DNAJC13: variants seen among roughly 807,000 people sequenced by gnomAD.
DNAJC13 encodes the protein DnaJ heat shock protein family (Hsp40) member C13.
A neutral mutation model predicts 290.5 loss-of-function variants in DNAJC13; 75 were observed. That is an observed-to-expected ratio of 0.26 (90% CI 0.21 to 0.31). The LOEUF is 0.31. DNAJC13 is among the 10% of genes least tolerant of loss of function. DNAJC13 has a pLI of 1.00. For synonymous variants in DNAJC13, 862 were observed against 892.0 expected, an observed-to-expected ratio of 0.97 and a Z score of 0.60; for missense variants, 2,260 against 2,674.5, an observed-to-expected ratio of 0.85 and a Z score of 3.42.
At chr3:132,454,256 T>A in intron 9 of DNAJC13, 99 bp downstream of exon 9, 1 of 811,846 alleles carries the variant, frequency 1.2e-6, no homozygotes, top group East Asian at 2.9e-5. Flanking sequence ...AAATTTAAAA[T>A]CATTTAATTT....
intron 45 of DNAJC13, 67 bp downstream of exon 45, chr3:132,513,166 A>G (rs1387420618): frequency 4.2e-5 from 55 of 1,316,306 alleles, no homozygotes; most frequent in Non-Finnish European, 3.3e-6. Flanking sequence ...TTGAGTCTCT[A>G]TCAGTCATTG....
chr3:132,502,983 A>T (rs538701577), intron 40 of DNAJC13, among the ~76,000 whole-genome samples: 1 of 152,198 alleles, frequency 6.6e-6, no homozygotes. Context: ...GATATACTGC[A>T]TTGGGTATAA....
Position 132,492,485 on chromosome 3 carries a change from C to G in DNAJC13, c.3695C>G (p.Ala1232Gly). 6.2e-7 allele frequency: 1 copy of G among 1,613,852 alleles called. No homozygotes were observed. Among genetic ancestry groups the G allele is most frequent in the Non-Finnish European group, 8.5e-7 (1 of 1,179,834 alleles). The stretch of plus-strand genomic sequence containing the variant: ...CCTCGTCTTCAGAGTAACACAAGAG[C>G]ACTTTATCAGTATTGCCCCATTCCT... ...FTPRLQSNTR[A>G]LYQYCPIPII... The change falls in exon 33 of 56, where the codon GCA becomes GGA. Residue 1232 changes from alanine (A) to glycine (G), a missense_variant. By Grantham distance (60) the Ala-to-Gly change is moderately conservative. This residue lies in a region of DNAJC13 where 1,494 missense variants were observed against 1,693.7 expected (regional missense o/e 0.88). Coordinates refer to ENST00000260818, the MANE Select transcript of DNAJC13 (RefSeq NM_015268.4).
chr3:132,522,658 G>A (rs771250604), intron 48 of DNAJC13, among the ~76,000 whole-genome samples, 170 bp from the exon 49 acceptor site: 41 of 152,128 alleles, frequency 2.7e-4, no homozygotes, highest in Admixed American at 8.5e-4. Context: ...AGGTACCTTT[G>A]CATAAACCGA....
chr3:132,469,796 C>T (rs1039990501), intron 20 of DNAJC13, among the ~76,000 whole-genome samples: 1 of 150,546 alleles, frequency 6.6e-6, no homozygotes, highest in African/African-American at 2.4e-5. Flanking sequence ...TTTATTTTAC[C>T]TTTTTTCTTT....
rs146630451 is a variant in DNAJC13, at chr3:132,443,691, C to T, written c.69-2784C>T. On this transcript the variant is annotated intron_variant, in intron 2 of 55. Coordinates refer to ENST00000260818, the MANE Select transcript of DNAJC13 (RefSeq NM_015268.4). ...TCCTTAAGCGGAAGTTCAACAGCCA[C>T]TCTAAAAAGAGGAGCGGCATGGGGA... Among the ~76,000 whole-genome samples the T allele has an allele frequency of 8.5e-5, 13 of 152,228 alleles. No homozygotes were observed. The East Asian group carries it at 2.5e-3, about 29-fold the overall frequency.
chr3:132,491,053 T>C lies in DNAJC13; in HGVS notation c.3623+2T>C, dbSNP rs747249898. ...AGCAATCTGGAGCAGTGAAATGAGG[T>C]AAATAACCAGTTGACTGATTGATTT... is the stretch of plus-strand genomic sequence containing the variant. On this transcript the variant is annotated splice_donor_variant, in intron 32 of 55. Coordinates refer to ENST00000260818, the MANE Select transcript of DNAJC13 (RefSeq NM_015268.4). LOFTEE classifies it high-confidence loss of function. The C allele has an allele frequency of 6.3e-7, 1 of 1,594,802 alleles. No individual in the cohort carries two copies. The highest frequency in any genetic ancestry group is 8.5e-7 in the Non-Finnish European group (1 of 1,173,488).
chr3:132,475,061 C>A lies in DNAJC13; in HGVS notation c.2421C>A (p.Ile807=). Residue 807 remains isoleucine, a synonymous_variant, in exon 22 of 56, where the codon ATC becomes ATA. Coordinates refer to ENST00000260818, the MANE Select transcript of DNAJC13 (RefSeq NM_015268.4). ...IDRELGSANV[I]SWNHHEFEVK... ...GAGAACTTGGAAGTGCAAATGTGATCTCCTGGAACCACCATGAGTTTGAGG... is the reference window on the plus strand; with the variant it reads ...GAGAACTTGGAAGTGCAAATGTGATATCCTGGAACCACCATGAGTTTGAGG... 1 of 1,605,562 alleles carries A rather than the reference C, an allele frequency of 6.2e-7. No individual in the cohort carries two copies. Among genetic ancestry groups the A allele is most frequent in the South Asian group, 1.1e-5 (1 of 89,782 alleles).
At chr3:132,436,292 T>C (rs751087000) in intron 2 of DNAJC13, among the ~76,000 whole-genome samples, 4 of 152,204 alleles carry the variant, frequency 2.6e-5, no homozygotes, top group Non-Finnish European at 5.9e-5. Context: ...ACATCTTATA[T>C]AAATAGAATG....
chr3:132,515,524 C>G (rs1179300376), intron 46 of DNAJC13, among the ~76,000 whole-genome samples: 2 of 151,286 alleles, frequency 1.3e-5, no homozygotes, highest in Non-Finnish European at 2.9e-5. Flanking sequence ...TTGTTTTTAT[C>G]ATACCTGCAA....
At chr3:132,434,379 C>T (rs1576457761) in intron 1 of DNAJC13, among the ~76,000 whole-genome samples, 159 bp from the exon 2 acceptor site, 1 of 143,272 alleles carries the variant, frequency 7.0e-6, no homozygotes, top group Non-Finnish European at 1.5e-5. Context: ...GAGCGAGACT[C>T]ATCTCAAAAA....
At chr3:132,506,807 C>A (rs1184484108) in intron 42 of DNAJC13, among the ~76,000 whole-genome samples, 1 of 152,008 alleles carries the variant, frequency 6.6e-6, no homozygotes, top group Admixed American at 6.5e-5. Flanking sequence ...GCCTCGGCCT[C>A]CCTAAGTGCT....
intron 1 of DNAJC13, among the ~76,000 whole-genome samples, chr3:132,418,353 T>G (rs1185846850): frequency 6.6e-6 from 1 of 152,192 alleles, no homozygotes; most frequent in African/African-American, 2.4e-5. Flanking sequence ...ATTTTATCTT[T>G]GAATGTGGCC....
intron 55 of DNAJC13, among the ~76,000 whole-genome samples, chr3:132,536,033 T>C (rs1420587761): frequency 1.3e-5 from 2 of 152,204 alleles, no homozygotes; most frequent in Non-Finnish European, 2.9e-5. Context: ...CATTTAGATT[T>C]TAGCTCAGAG....
Position 132,453,604 on chromosome 3 carries a change from T to C in DNAJC13, c.750T>C (p.Pro250=). 6.2e-7 allele frequency: 1 copy of C among 1,610,550 alleles called. No homozygotes were observed. Among genetic ancestry groups the C allele is most frequent in the South Asian group, 1.1e-5 (1 of 89,846 alleles). ...VQKISPRHSE[P]VKRVLALTET... ...CTCAATTTTATTTTTTGAAGGAGCC[T>C]GTTAAAAGAGTTCTAGCACTTACAG... Residue 250 remains proline, a synonymous_variant, in exon 8 of 56, where the codon CCT becomes CCC. Coordinates refer to ENST00000260818, the MANE Select transcript of DNAJC13 (RefSeq NM_015268.4).
At chr3:132,487,617 A>T (rs1934924279) in intron 29 of DNAJC13, among the ~76,000 whole-genome samples, 1 of 143,334 alleles carries the variant, frequency 7.0e-6, no homozygotes, top group Admixed American at 7.1e-5. Context: ...GATTCATTGG[A>T]AGCAAGTGTT....
intron 54 of DNAJC13, among the ~76,000 whole-genome samples, chr3:132,530,747 T>C (rs1936391211): frequency 6.6e-6 from 1 of 152,222 alleles, no homozygotes; most frequent in Non-Finnish European, 1.5e-5. Context: ...AAGTCGGTAA[T>C]TGTAGGTTCA....
chr3:132,499,320 A>G lies in DNAJC13; in HGVS notation c.4341+10A>G, dbSNP rs535892506. 13 of 1,572,172 alleles carry G rather than the reference A, an allele frequency of 8.3e-6. No individual in the cohort carries two copies. Among genetic ancestry groups the G allele is most frequent in the Non-Finnish European group, 1.1e-5 (13 of 1,157,342 alleles). On this transcript the variant is annotated intron_variant, in intron 37 of 55. Transcript: ENST00000260818. ...AGAGAATGGACTAGAGGTAATACGGAGTGACCTTTGTGCTTTTTAAGCCAG... is the reference window on the plus strand; with the variant it reads ...AGAGAATGGACTAGAGGTAATACGGGGTGACCTTTGTGCTTTTTAAGCCAG...
chr3:132,507,415 G>T, intron 43 of DNAJC13, 62 bp downstream of exon 43: 2 of 948,972 alleles, frequency 2.1e-6, no homozygotes, highest in Admixed American at 1.9e-5. Flanking sequence ...AAAGTTACTA[G>T]TTTATTCACA....
Sources: allele counts gnomAD v4.1 joint callset (sites outside exome capture counted in the v4.1 genomes callset), GRCh38; gene constraint gnomAD v4.1.1; regional missense constraint gnomAD v4.1.1; transcripts MANE v1.5; gene names NCBI Gene and HGNC (gene_info 2026-07-23, HGNC 2026-07-21).